The following PPP1R13L variants were observed in gnomAD, a reference collection of about 807,000 sequenced individuals.
PPP1R13L encodes the protein protein phosphatase 1 regulatory subunit 13 like.
A neutral mutation model predicts 80.9 loss-of-function variants in PPP1R13L; 50 were observed. That is an observed-to-expected ratio of 0.62 (90% CI 0.49 to 0.78). The LOEUF (loss-of-function observed/expected upper bound fraction) is 0.78, where lower values mean the gene tolerates loss of function less well. Ranked by LOEUF, PPP1R13L falls within the 30% of genes least tolerant of loss-of-function variation. The pLI, the probability that PPP1R13L is intolerant of heterozygous loss-of-function variation, is 0.00. For missense variants in PPP1R13L, 1,200 were observed against 1,205.9 expected, an observed-to-expected ratio of 1.00 and a Z score of 0.07; for synonymous variants, 602 against 534.3, an observed-to-expected ratio of 1.13 and a Z score of -1.75.
intron 1 of PPP1R13L, among the ~76,000 whole-genome samples, chr19:45,401,822 G>A (rs1011795523): frequency 6.6e-5 from 10 of 152,152 alleles, no homozygotes; most frequent in Non-Finnish European, 1.0e-4. Context: ...TCTGAGGGCC[G>A]GGCATGGTAG....
rs1413706035 is a variant in PPP1R13L at position 45,384,396 on chromosome 19, C to T, written c.2248+1166G>A. Among the ~76,000 whole-genome samples, 29 of 141,898 alleles carry T rather than the reference C, an allele frequency of 2.0e-4. No homozygotes were observed. In the East Asian group the frequency reaches 5.4e-3, roughly 26 times the overall value. 93.1% of individuals were successfully genotyped at this position (141,898 alleles called of 152,430 possible). On this transcript the variant is annotated intron_variant, in intron 11 of 12. Transcript: ENST00000360957. ...AAAAAAAAAAAAAAAGTTAGCGGGC[C>T]GTGGGGCCCTTGCCTGTAATCCCAG...
chr19:45,397,472 C>CTCTTTCTTTCTTTCCTTCTT (rs1973132635), intron 3 of PPP1R13L, among the ~76,000 whole-genome samples: 1 of 83,272 alleles, frequency 1.2e-5, no homozygotes, highest in Non-Finnish European at 2.3e-5. Context: ...TTCTCTCTCT[C>CTCTTTCTTTCTTTCCTTCTT]TCTTTCTTTC....
chr19:45,398,292 C>T lies in PPP1R13L; in HGVS notation c.27G>A (p.Ala9=), dbSNP rs1230434928. 4.3e-6 allele frequency: 7 copies of T among 1,613,946 alleles called. No individual in the cohort carries two copies. Among genetic ancestry groups the T allele is most frequent in the Non-Finnish European group, 4.2e-6 (5 of 1,179,950 alleles). Residue 9 remains alanine (A), a synonymous_variant, in exon 2 of 13, where the codon GCG becomes GCA. Coordinates refer to ENST00000360957, the MANE Select transcript of PPP1R13L (RefSeq NM_006663.4). ...GGAAGTTCATGTCCAGAAAGTCCCGCGCGCTCTGGAATGCCTCGCTGTCCA... is the reference window on the plus strand; with the variant it reads ...GGAAGTTCATGTCCAGAAAGTCCCGTGCGCTCTGGAATGCCTCGCTGTCCA... MDSEAFQS[A]RDFLDMNFQS... is the part of the protein sequence containing the mutation.
chr19:45,398,412 C>G (rs974730289), intron 1 of PPP1R13L, 73 bp from the exon 2 acceptor site: 4 of 1,445,738 alleles, frequency 2.8e-6, no homozygotes, highest in Admixed American at 1.9e-5. Flanking sequence ...AGTCAGACGC[C>G]GTCAGGAGCG....
At chr19:45,382,163 G>C (rs577681095) in intron 12 of PPP1R13L, among the ~76,000 whole-genome samples, 1 of 152,180 alleles carries the variant, frequency 6.6e-6, no homozygotes, top group East Asian at 1.9e-4. Context: ...GGTGGGGGGG[G>C]CCCGAGGTTG....
Position 45,385,968 on chromosome 19 carries a change from C to A in PPP1R13L, c.1948-11G>T. 1 of 1,603,430 alleles carries A rather than the reference C, an allele frequency of 6.2e-7. No individual in the cohort carries two copies. Among genetic ancestry groups the A allele is most frequent in the Non-Finnish European group, 8.5e-7 (1 of 1,177,348 alleles). On this transcript the variant is annotated splice_polypyrimidine_tract_variant and intron_variant, in intron 9 of 12. Transcript: ENST00000360957. ...GCTCGGGTCGTTCATCTGAGTGCACCGGGGGAGGGGGAAGACTCAGTCCCG... is the reference window on the plus strand; with the variant it reads ...GCTCGGGTCGTTCATCTGAGTGCACAGGGGGAGGGGGAAGACTCAGTCCCG...
In PPP1R13L at chr19:45,385,571, A is replaced by G; in HGVS notation, c.2239T>C (p.Tyr747His). The G allele has an allele frequency of 1.2e-6, 2 of 1,611,298 alleles. No homozygotes were observed. The highest frequency in any genetic ancestry group is 8.5e-7 in the Non-Finnish European group (1 of 1,178,648). ...CAGCCCTGCCTCGCACCTGCCAGGT[A>G]GGTGGCGCAGTCAGCATAACCCTCG... ...YREGYADCAT[Y>H]LADVEQSMGL... The change falls in exon 11 of 13, where the codon TAC becomes CAC. Residue 747 changes from tyrosine (Y) to histidine (H), a missense_variant. Physicochemically the swap from Tyr to His is moderately conservative, Grantham distance 83. Transcript: ENST00000360957.
Position 45,382,600 on chromosome 19 carries a change from C to A in PPP1R13L, c.2375G>T (p.Gly792Val), listed in dbSNP as rs760263326. The change falls in exon 12 of 13, where the codon GGG becomes GTG. Residue 792 changes from glycine to valine, a missense_variant. By Grantham distance (109) the Gly-to-Val change is moderately radical. Transcript: ENST00000360957. ...GESVTVLRRDGPEETDWWWAA... is the reference protein window; with the variant it reads ...GESVTVLRRDVPEETDWWWAA... The stretch of plus-strand genomic sequence containing the variant: ...CCACCACCAGTCGGTCTCCTCCGGC[C>A]CGTCCCTCCGCAGCACGGTGACCGA... The A allele has an allele frequency of 8.7e-6, 14 of 1,613,654 alleles. No homozygotes were observed. Among genetic ancestry groups the A allele is most frequent in the Non-Finnish European group, 1.1e-5 (13 of 1,179,986 alleles).
chr19:45,385,515 C>A, intron 11 of PPP1R13L, 47 bp downstream of exon 11: 1 of 1,556,920 alleles, frequency 6.4e-7, no homozygotes, highest in South Asian at 1.2e-5. Flanking sequence ...CCTCCCCGCT[C>A]CTGCGCACCC....
chr19:45,386,148 G>T lies in PPP1R13L; in HGVS notation c.1848C>A (p.Ser616=). 1 of 1,540,788 alleles carries T rather than the reference G, an allele frequency of 6.5e-7. No individual in the cohort carries two copies. Residue 616 remains serine, a synonymous_variant, in exon 9 of 13, where the codon TCC becomes TCA. Transcript: ENST00000360957. ...GGCGCGCGCGGCGGGCCTTGCGCGGGGAGCCCGCCTTCCGCAGCACAGAGC... is the reference window on the plus strand; with the variant it reads ...GGCGCGCGCGGCGGGCCTTGCGCGGTGAGCCCGCCTTCCGCAGCACAGAGC... The part of the protein sequence containing the change: ...EMRSVLRKAG[S]PRKARRARLN...
At chr19:45,384,371 A>AG (rs1415968736) in intron 11 of PPP1R13L, among the ~76,000 whole-genome samples, 2 of 143,728 alleles carry the variant, frequency 1.4e-5, no homozygotes, top group African/African-American at 5.7e-5. Context: ...AAATACAAAA[A>AG]AAAAAAAAAA....
At chr19:45,389,260 T>C (rs549185876) in intron 8 of PPP1R13L, among the ~76,000 whole-genome samples, 2 of 152,200 alleles carry the variant, frequency 1.3e-5, no homozygotes, top group Non-Finnish European at 2.9e-5. Context: ...TCAAGGTTCC[T>C]TGCCTTTACT....
intron 12 of PPP1R13L, among the ~76,000 whole-genome samples, chr19:45,381,139 C>T (rs1972755634): frequency 1.3e-5 from 2 of 151,086 alleles, no homozygotes; most frequent in South Asian, 2.1e-4. Flanking sequence ...ACTGCAGGAT[C>T]AATCTCCCAG....
At chr19:45,384,898 T>C (rs993753872) in intron 11 of PPP1R13L, among the ~76,000 whole-genome samples, 6 of 152,144 alleles carry the variant, frequency 3.9e-5, no homozygotes, top group Middle Eastern at 3.4e-3. Flanking sequence ...GTCTCTACAA[T>C]GTCTTGTAGC....
chr19:45,398,364 T>A (rs780821577), intron 1 of PPP1R13L, 25 bp from the exon 2 acceptor site: 53 of 1,608,008 alleles, frequency 3.3e-5, no homozygotes, highest in Non-Finnish European at 4.2e-5. Flanking sequence ...GGGAGGGAGC[T>A]GGCTAAGACC....
At chr19:45,383,749 C>CTTTCTTTTCTTTTCTTTTCT (rs530369634) in intron 11 of PPP1R13L, among the ~76,000 whole-genome samples, 3 of 152,056 alleles carry the variant, frequency 2.0e-5, no homozygotes, top group African/African-American at 7.2e-5. Flanking sequence ...TCATCTGCCT[C>CTTTCTTTTCTTTTCTTTTCT]TTTCTTTTCT....
chr19:45,381,623 C>T (rs1034022416), intron 12 of PPP1R13L, among the ~76,000 whole-genome samples: 1 of 152,128 alleles, frequency 6.6e-6, no homozygotes, highest in African/African-American at 2.4e-5. Context: ...ACCCTACATC[C>T]TGACAGCTTT....
chr19:45,392,177 C>A lies in PPP1R13L; in HGVS notation c.1518G>T (p.Glu506Asp). 6.2e-7 allele frequency: 1 copy of A among 1,608,440 alleles called. No homozygotes were observed. Among genetic ancestry groups the A allele is most frequent in the Non-Finnish European group, 8.5e-7 (1 of 1,176,552 alleles). ...ALPPEAQSVPELEEVARVLAE... is the reference protein window; with the variant it reads ...ALPPEAQSVPDLEEVARVLAE... ...CCAACACCCGTGCCACCTCCTCCAG[C>A]TCGGGCACCGACTGTGCCTCCGGTG... The change falls in exon 8 of 13, where the codon GAG becomes GAT. Residue 506 changes from glutamate to aspartate, a missense_variant. Glu to Asp is a conservative substitution (Grantham distance 45). This residue lies in a region of PPP1R13L where 53 missense variants were observed against 96.5 expected (regional missense o/e 0.55). Transcript: ENST00000360957.
chr19:45,395,240 A>T, intron 7 of PPP1R13L, 196 bp downstream of exon 7: 1 of 688,494 alleles, frequency 1.5e-6, no homozygotes, highest in Non-Finnish European at 2.5e-6. Context: ...GTCTGGCTTC[A>T]GGGTCCACAC....
Sources: gnomAD v4.1 joint callset for allele counts (sites outside exome capture counted in the v4.1 genomes callset) on GRCh38, gnomAD v4.1.1 for gene constraint, gnomAD v4.1.1 regional missense constraint, MANE v1.5 for transcripts, NCBI Gene and HGNC (gene_info 2026-07-23, HGNC 2026-07-21) for gene names.